Variants in PRKCE observed in about 807,000 individuals in gnomAD.
PRKCE encodes protein kinase C epsilon, also known as protein kinase C epsilon type.
PRKCE carries 16 observed loss-of-function variants against 85.4 expected under a neutral mutation model. The ratio of observed to expected loss-of-function variants is 0.19; its 90% CI spans 0.13 to 0.28. The LOEUF is 0.28. Ranked by LOEUF, PRKCE falls within the 10% of genes least tolerant of loss-of-function variation. The pLI, the probability that PRKCE is intolerant of heterozygous loss-of-function variation, is 1.00. For synonymous variants in PRKCE, 388 were observed against 371.5 expected (o/e 1.04, Z -0.51); for missense variants, 573 against 975.2 (o/e 0.59, Z 5.49).
chr2:45,941,100 C>G (rs1042405994), intron 2 of PRKCE, among the ~76,000 whole-genome samples: 1 of 133,312 alleles, frequency 7.5e-6, no homozygotes, highest in African/African-American at 2.7e-5. Context: ...TGATAGGCAC[C>G]TATTCCCTAC....
At chr2:45,911,462 G>A (rs1449358519) in intron 2 of PRKCE, among the ~76,000 whole-genome samples, 3 of 152,230 alleles carry the variant, frequency 2.0e-5, no homozygotes, top group East Asian at 3.8e-4. Context: ...TGAAGCAGCT[G>A]TGACTATTTC....
At chr2:46,060,744 C>CTT (rs112560158) in intron 10 of PRKCE, among the ~76,000 whole-genome samples, 115 of 140,116 alleles carry the variant, frequency 8.2e-4, no homozygotes, top group African/African-American at 2.5e-3. Context: ...TTTCTCTCTC[C>CTT]TTTTTTTTTT....
intron 1 of PRKCE, among the ~76,000 whole-genome samples, chr2:45,811,359 C>T (rs867573966): frequency 4.1e-4 from 63 of 152,194 alleles, no homozygotes; most frequent in African/African-American, 1.4e-3. Context: ...CAAGATACAG[C>T]GTTCAGTGAA....
chr2:45,677,470 C>T (rs1676562813), intron 1 of PRKCE, among the ~76,000 whole-genome samples: 1 of 151,892 alleles, frequency 6.6e-6, no homozygotes, highest in Admixed American at 6.6e-5. Flanking sequence ...CATTCTCCTG[C>T]CTCAGCCTCC....
At chr2:45,972,071 A>C (rs1702146457) in intron 2 of PRKCE, among the ~76,000 whole-genome samples, 1 of 152,238 alleles carries the variant, frequency 6.6e-6, no homozygotes, top group African/African-American at 2.4e-5. Context: ...ACAATTTTAC[A>C]TTCCCATGAA....
At chr2:45,717,237 C>A (rs1348636606) in intron 1 of PRKCE, among the ~76,000 whole-genome samples, 1 of 152,160 alleles carries the variant, frequency 6.6e-6, no homozygotes, top group Non-Finnish European at 1.5e-5. Context: ...ATTTGCCACC[C>A]ACAGTACAGC....
intron 10 of PRKCE, among the ~76,000 whole-genome samples, chr2:46,020,591 T>A (rs916641639): frequency 2.0e-5 from 3 of 152,180 alleles, no homozygotes; most frequent in African/African-American, 7.2e-5. Context: ...CATATTTCAT[T>A]GTTTAGATCA....
chr2:46,091,495 A>C (rs1314267095), intron 11 of PRKCE, among the ~76,000 whole-genome samples: 1 of 152,202 alleles, frequency 6.6e-6, no homozygotes, highest in African/African-American at 2.4e-5. Flanking sequence ...AATGGAGTTG[A>C]AGGCTTGGCA....
intron 13 of PRKCE, among the ~76,000 whole-genome samples, chr2:46,153,872 C>T (rs1257742383): frequency 1.3e-5 from 2 of 150,710 alleles, no homozygotes; most frequent in Admixed American, 6.6e-5. Context: ...CTGCAACTTC[C>T]GCCTCCCGGG....
intron 14 of PRKCE, among the ~76,000 whole-genome samples, chr2:46,179,897 C>A (rs1161870908): frequency 6.6e-6 from 1 of 152,174 alleles, no homozygotes; most frequent in African/African-American, 2.4e-5. Flanking sequence ...GACAGCACAG[C>A]AGCCCCTGAC....
chr2:45,872,279 G>A (rs1694155593), intron 2 of PRKCE, among the ~76,000 whole-genome samples: 1 of 152,148 alleles, frequency 6.6e-6, no homozygotes, highest in Non-Finnish European at 1.5e-5. Context: ...AGAGAAAACA[G>A]CAAGTGCAAA....
chr2:45,776,506 A>G (rs1476843496), intron 1 of PRKCE, among the ~76,000 whole-genome samples: 1 of 152,186 alleles, frequency 6.6e-6, no homozygotes, highest in East Asian at 1.9e-4. Flanking sequence ...CAAGCCCAGA[A>G]TCTCACCCAC....
At chr2:45,872,363 G>A (rs183444990) in intron 2 of PRKCE, among the ~76,000 whole-genome samples, 2 of 152,288 alleles carry the variant, frequency 1.3e-5, no homozygotes, top group East Asian at 1.9e-4. Context: ...AGGTCAGAGC[G>A]GCAGCAGAGA....
At chr2:45,869,063 T>C (rs768771711) in intron 2 of PRKCE, among the ~76,000 whole-genome samples, 34 of 152,126 alleles carry the variant, frequency 2.2e-4, no homozygotes, top group Non-Finnish European at 4.4e-5. Flanking sequence ...AGAAAAAAAG[T>C]TCATTTGGTG....
At chr2:45,987,425 C>A (rs962632919) in intron 6 of PRKCE, among the ~76,000 whole-genome samples, 3 of 152,066 alleles carry the variant, frequency 2.0e-5, no homozygotes, top group African/African-American at 7.2e-5. Context: ...GCCTTTTTTT[C>A]CCCTTGCTGC....
chr2:46,073,189 C>A (rs1296213771), intron 10 of PRKCE, among the ~76,000 whole-genome samples: 1 of 152,152 alleles, frequency 6.6e-6, no homozygotes, highest in East Asian at 1.9e-4. Context: ...AGGCCAGCAT[C>A]CCCCAGGTTG....
chr2:45,779,245 T>C (rs1024183265), intron 1 of PRKCE, among the ~76,000 whole-genome samples: 1 of 152,228 alleles, frequency 6.6e-6, no homozygotes, highest in Admixed American at 6.5e-5. Flanking sequence ...AGTTAGCTCC[T>C]GGCCAACTTG....
intron 1 of PRKCE, among the ~76,000 whole-genome samples, chr2:45,822,368 A>G (rs1689601395): frequency 6.6e-6 from 1 of 152,196 alleles, no homozygotes; most frequent in Non-Finnish European, 1.5e-5. Flanking sequence ...GAAATGAGAA[A>G]GCAGCCCACA....
chr2:45,662,545 G>T (rs1363121859), intron 1 of PRKCE, among the ~76,000 whole-genome samples: 1 of 152,050 alleles, frequency 6.6e-6, no homozygotes, highest in Non-Finnish European at 1.5e-5. Flanking sequence ...CTCTGTAAAG[G>T]CACCTGTTAA....
Sources: gnomAD v4.1 joint callset for allele counts (sites outside exome capture counted in the v4.1 genomes callset) on GRCh38, gnomAD v4.1.1 for gene constraint, MANE v1.5 for transcripts, NCBI Gene and HGNC (gene_info 2026-07-23, HGNC 2026-07-21) for gene names.